The following RAD51B variants were observed in gnomAD, a reference collection of about 807,000 sequenced individuals.
RAD51B encodes the protein DNA repair protein RAD51 homolog 2.
In RAD51B, 38 loss-of-function variants were observed where a neutral mutation model predicts 42.2. The observed-to-expected ratio is 0.90, with a 90% CI of 0.70 to 1.18. RAD51B has a LOEUF of 1.18. RAD51B is among the 50% of genes most tolerant of loss of function. RAD51B has a pLI of 0.00. For missense variants in RAD51B, 373 were observed against 400.7 expected (o/e 0.93, Z 0.59); for synonymous variants, 154 against 145.2 (o/e 1.06, Z -0.43).
At chr14:68,636,913 C>T (rs1892352596) in intron 10 of RAD51B, among the ~76,000 whole-genome samples, 1 of 152,196 alleles carries the variant, frequency 6.6e-6, no homozygotes, top group South Asian at 2.1e-4. Flanking sequence ...GAGAGCCCTT[C>T]GTTGACCACC....
At chr14:68,006,687 T>C (rs544806771) in intron 7 of RAD51B, among the ~76,000 whole-genome samples, 2 of 152,268 alleles carry the variant, frequency 1.3e-5, no homozygotes, top group South Asian at 4.1e-4. Context: ...TATGTGATAA[T>C]ATATTTACCC....
At chr14:68,464,613 C>A (rs867334959) in intron 9 of RAD51B, among the ~76,000 whole-genome samples, 2 of 152,166 alleles carry the variant, frequency 1.3e-5, no homozygotes, top group East Asian at 1.9e-4. Flanking sequence ...TACTACTGAC[C>A]TTTTGGTCAC....
intron 7 of RAD51B, among the ~76,000 whole-genome samples, chr14:68,010,199 C>G (rs1004846460): frequency 6.6e-6 from 1 of 151,792 alleles, no homozygotes; most frequent in Non-Finnish European, 1.5e-5. Context: ...TTGGAACCTA[C>G]CTTTCCATAG....
At chr14:68,319,494 A>C (rs571469269) in intron 8 of RAD51B, among the ~76,000 whole-genome samples, 2 of 152,364 alleles carry the variant, frequency 1.3e-5, no homozygotes, top group African/African-American at 4.8e-5. Context: ...AAAACAATAG[A>C]TAAAGCTTTG....
At chr14:67,861,476 GA>G (rs1473578104) in intron 4 of RAD51B, among the ~76,000 whole-genome samples, 1 of 146,018 alleles carries the variant, frequency 6.8e-6, no homozygotes, top group African/African-American at 2.5e-5. Context: ...CAGTCTCTAT[GA>G]AAAAAAAAGC....
At position 68,206,197 on chromosome 14, in the gene RAD51B, A is replaced by G. The variant is rs926326992; in HGVS notation, c.757-85687A>G. On this transcript the variant is annotated intron_variant, in intron 7 of 10. Transcript: ENST00000471583. ...AGAATCAGGTTATGCCTTGTCATCC[A>G]GGTGATGTTTTGTCCTTGAGTTATC... 3.3e-5 allele frequency among the ~76,000 whole-genome samples: 5 copies of G among 152,184 alleles called. No homozygotes were observed. The South Asian group carries it at 1.0e-3, about 32-fold the overall frequency.
intron 10 of RAD51B, among the ~76,000 whole-genome samples, chr14:68,550,758 T>C (rs1888510383): frequency 6.6e-6 from 1 of 152,150 alleles, no homozygotes; most frequent in South Asian, 2.1e-4. Context: ...ACCCAGTCCA[T>C]CAATAACCCT....
At chr14:68,207,523 GCCAAAT>G (rs2079617593) in intron 7 of RAD51B, among the ~76,000 whole-genome samples, 1 of 152,160 alleles carries the variant, frequency 6.6e-6, no homozygotes, top group African/African-American at 2.4e-5. Flanking sequence ...TCTAGAGTTT[GCCAAAT>G]CCAAAGGCAA....
chr14:68,674,740 G>C (rs1472829821), intron 11 of RAD51B, among the ~76,000 whole-genome samples: 1 of 152,192 alleles, frequency 6.6e-6, no homozygotes, highest in Non-Finnish European at 1.5e-5. Flanking sequence ...ACAGGGGTAT[G>C]TGTGTAATGG....
chr14:68,262,299 C>G (rs1026756976), intron 7 of RAD51B, among the ~76,000 whole-genome samples: 1 of 152,074 alleles, frequency 6.6e-6, no homozygotes, highest in Admixed American at 6.6e-5. Flanking sequence ...CATTAAATGG[C>G]TGAGGGGACC....
Position 68,228,943 on chromosome 14 carries a change from TC to T in RAD51B, c.757-62940del, listed in dbSNP as rs547791249. Among the ~76,000 whole-genome samples, 150 of 152,340 alleles carry T rather than the reference TC, an allele frequency of 9.8e-4. 2 individuals carry two copies. The South Asian group carries it at 0.03, about 30-fold the overall frequency. On this transcript the variant is annotated intron_variant, in intron 7 of 10. Transcript: ENST00000471583. Reference sequence around the variant, plus strand: ...ACAGTCTGATTTTCTCAGTGACTCATCTGGGACCCTAGAAACTGGCAGATTG... The same window carrying T: ...ACAGTCTGATTTTCTCAGTGACTCATTGGGACCCTAGAAACTGGCAGATTG...
intron 10 of RAD51B, among the ~76,000 whole-genome samples, chr14:68,581,451 C>T (rs1594994978): frequency 1.3e-5 from 2 of 152,150 alleles, no homozygotes; most frequent in South Asian, 2.1e-4. Context: ...CTGGTATTTC[C>T]AGCTCACCCT....
intron 7 of RAD51B, among the ~76,000 whole-genome samples, chr14:67,895,220 G>A (rs1595074291): frequency 2.6e-5 from 4 of 152,180 alleles, no homozygotes; most frequent in South Asian, 4.1e-4. Flanking sequence ...AGTCTTTAGC[G>A]TTACTTTACG....
At chr14:68,447,414 C>T (rs2085446072) in intron 9 of RAD51B, among the ~76,000 whole-genome samples, 1 of 151,658 alleles carries the variant, frequency 6.6e-6, no homozygotes, top group Non-Finnish European at 1.5e-5. Flanking sequence ...TTTCCTCTTC[C>T]ATCTTATGCA....
At chr14:68,142,141 GTT>G (rs146628652) in intron 7 of RAD51B, among the ~76,000 whole-genome samples, 4 of 148,448 alleles carry the variant, frequency 2.7e-5, no homozygotes, top group Non-Finnish European at 6.0e-5. Flanking sequence ...TTAATGAAGT[GTT>G]TTTTTTTTAA....
chr14:68,374,055 A>T (rs930032790), intron 8 of RAD51B, among the ~76,000 whole-genome samples: 1 of 152,238 alleles, frequency 6.6e-6, no homozygotes, highest in Non-Finnish European at 1.5e-5. Flanking sequence ...CATGTTAATT[A>T]TCTTCATTTT....
At chr14:67,982,730 T>C (rs1435396762) in intron 7 of RAD51B, among the ~76,000 whole-genome samples, 1 of 145,206 alleles carries the variant, frequency 6.9e-6, no homozygotes, top group Non-Finnish European at 1.5e-5. Flanking sequence ...TGCTTCTGCT[T>C]CTATGTTTTT....
At chr14:68,061,817 A>C (rs904978820) in intron 7 of RAD51B, among the ~76,000 whole-genome samples, 1 of 152,078 alleles carries the variant, frequency 6.6e-6, no homozygotes, top group Admixed American at 6.5e-5. Context: ...AGGTTTTTCT[A>C]TATGTTAAAT....
intron 7 of RAD51B, among the ~76,000 whole-genome samples, chr14:68,264,650 C>G (rs1595626539): frequency 6.6e-6 from 1 of 151,940 alleles, no homozygotes; most frequent in Admixed American, 6.6e-5. Flanking sequence ...TTTTATGGAG[C>G]CTTGAGATAG....
Sources: allele counts gnomAD v4.1 joint callset (sites outside exome capture counted in the v4.1 genomes callset), GRCh38; gene constraint gnomAD v4.1.1; transcripts MANE v1.5; gene names NCBI Gene and HGNC (gene_info 2026-07-23, HGNC 2026-07-21).